SMYD3: variants seen among roughly 807,000 people sequenced by gnomAD.
SMYD3 encodes SET and MYND domain containing 3, also known as histone-lysine N-methyltransferase SMYD3.
SMYD3 carries 36 observed loss-of-function variants against 57.7 expected under a neutral mutation model. The observed-to-expected ratio is 0.62, with a 90% CI of 0.48 to 0.82. The LOEUF (loss-of-function observed/expected upper bound fraction) is 0.82. SMYD3 is among the 40% of genes least tolerant of loss of function. SMYD3 has a pLI of 0.00. For missense variants in SMYD3, 515 were observed against 538.8 expected (o/e 0.96, Z 0.44); for synonymous variants, 211 against 195.0 (o/e 1.08, Z -0.68).
intron 10 of SMYD3, among the ~76,000 whole-genome samples, chr1:245,798,422 ACCCCC>A (rs2047674721): frequency 4.7e-5 from 1 of 21,480 alleles, no homozygotes; most frequent in Non-Finnish European, 1.7e-4. Flanking sequence ...ACACATACAC[ACCCCC>A]ACACACATAC....
intron 5 of SMYD3, among the ~76,000 whole-genome samples, chr1:246,218,620 C>CAAAAA (rs551976972): frequency 7.9e-6 from 1 of 127,386 alleles, no homozygotes; most frequent in South Asian, 2.4e-4. Flanking sequence ...GACTCCGTCT[C>CAAAAA]AAAAAAAAAA....
At chr1:246,086,418 A>G (rs755901808) in intron 5 of SMYD3, among the ~76,000 whole-genome samples, 3 of 151,942 alleles carry the variant, frequency 2.0e-5, no homozygotes, top group Non-Finnish European at 4.4e-5. Context: ...TTATTACAAC[A>G]CACTGCCTGG....
chr1:245,750,067 G>A (rs1289324537), intron 11 of SMYD3, among the ~76,000 whole-genome samples: 1 of 151,968 alleles, frequency 6.6e-6, no homozygotes, highest in Non-Finnish European at 1.5e-5. Flanking sequence ...TATGCACCAG[G>A]ATTATTATAT....
chr1:246,076,367 C>G (rs943766501), intron 5 of SMYD3, among the ~76,000 whole-genome samples: 2 of 152,140 alleles, frequency 1.3e-5, no homozygotes, highest in African/African-American at 4.8e-5. Context: ...ACACATTCAC[C>G]CACATCCAAA....
intron 5 of SMYD3, among the ~76,000 whole-genome samples, chr1:246,258,161 C>T (rs1249163733): frequency 7.2e-5 from 11 of 152,216 alleles, no homozygotes; most frequent in South Asian, 4.1e-4. Context: ...CTCAGCCTCC[C>T]GAGTAGCTGG....
chr1:246,258,324 C>T (rs1280224214), intron 5 of SMYD3, among the ~76,000 whole-genome samples: 3 of 152,138 alleles, frequency 2.0e-5, no homozygotes, highest in Admixed American at 6.5e-5. Flanking sequence ...AGTGAGCCAC[C>T]ATGCCTGGCC....
At chr1:245,963,104 T>C (rs551936746) in intron 5 of SMYD3, among the ~76,000 whole-genome samples, 115 of 152,280 alleles carry the variant, frequency 7.6e-4, no homozygotes, top group African/African-American at 2.5e-3. Flanking sequence ...GAAGTCACCA[T>C]TCCATCCTAA....
At chr1:246,223,364 C>T (rs1332875848) in intron 5 of SMYD3, among the ~76,000 whole-genome samples, 2 of 152,042 alleles carry the variant, frequency 1.3e-5, no homozygotes, top group African/African-American at 2.4e-5. Flanking sequence ...TAATCAAGAG[C>T]GATGCCTTGA....
chr1:246,051,015 C>A (rs1353051790), intron 5 of SMYD3, among the ~76,000 whole-genome samples: 1 of 151,834 alleles, frequency 6.6e-6, no homozygotes, highest in Non-Finnish European at 1.5e-5. Context: ...GCTACAGACA[C>A]AACTTGATTC....
At chr1:245,930,361 A>G (rs1288914735) in intron 5 of SMYD3, 5 of 346,344 alleles carry the variant, frequency 1.4e-5, no homozygotes, top group Non-Finnish European at 2.2e-5. Flanking sequence ...GTATCTGTTC[A>G]GTGATAGCAA....
At chr1:245,771,611 T>C (rs2046340811) in intron 10 of SMYD3, among the ~76,000 whole-genome samples, 1 of 152,176 alleles carries the variant, frequency 6.6e-6, no homozygotes, top group Non-Finnish European at 1.5e-5. Context: ...CAGCCCACAG[T>C]GAACATTAAA....
intron 5 of SMYD3, among the ~76,000 whole-genome samples, chr1:246,233,074 A>G (rs2063443796): frequency 7.5e-6 from 1 of 132,658 alleles, no homozygotes; most frequent in Non-Finnish European, 1.6e-5. Flanking sequence ...ACTGTGATGA[A>G]CATATACCAC....
At chr1:246,057,167 C>T (rs1339672922) in intron 5 of SMYD3, among the ~76,000 whole-genome samples, 1 of 152,116 alleles carries the variant, frequency 6.6e-6, no homozygotes, top group African/African-American at 2.4e-5. Flanking sequence ...CCTCAAAGGG[C>T]TTTTGTGATG....
At chr1:245,816,649 A>C (rs1179271269) in intron 10 of SMYD3, among the ~76,000 whole-genome samples, 1 of 151,802 alleles carries the variant, frequency 6.6e-6, no homozygotes, top group African/African-American at 2.4e-5. Context: ...GGTTCATCTC[A>C]CTAGGGAGTG....
intron 5 of SMYD3, among the ~76,000 whole-genome samples, chr1:246,253,644 G>A (rs1476164606): frequency 6.6e-6 from 1 of 152,110 alleles, no homozygotes; most frequent in Non-Finnish European, 1.5e-5. Context: ...TTTCAGCAGT[G>A]TTTTCTAGTT....
chr1:245,983,249 A>T (rs2058638146), intron 5 of SMYD3, among the ~76,000 whole-genome samples: 1 of 151,504 alleles, frequency 6.6e-6, no homozygotes, highest in African/African-American at 2.4e-5. Context: ...CCATATTAGA[A>T]TTAATATAAA....
At chr1:246,469,096 A>G (rs923033734) in intron 1 of SMYD3, among the ~76,000 whole-genome samples, 5 of 152,208 alleles carry the variant, frequency 3.3e-5, no homozygotes, top group Admixed American at 2.0e-4. Context: ...GATCCCCAGC[A>G]TGACAAGCAC....
chr1:246,082,273 A>G (rs535941785), intron 5 of SMYD3, among the ~76,000 whole-genome samples: 1 of 152,342 alleles, frequency 6.6e-6, no homozygotes, highest in African/African-American at 2.4e-5. Context: ...CTCAGGAGTC[A>G]TGTGGCCAGA....
At chr1:246,079,122 C>T (rs1047808684) in intron 5 of SMYD3, among the ~76,000 whole-genome samples, 3 of 152,014 alleles carry the variant, frequency 2.0e-5, no homozygotes, top group East Asian at 3.9e-4. Context: ...GGCCAATAGG[C>T]TTCTTTTGTC....
Sources: gnomAD v4.1 joint callset for allele counts (sites outside exome capture counted in the v4.1 genomes callset) on GRCh38, gnomAD v4.1.1 for gene constraint, MANE v1.5 for transcripts, NCBI Gene and HGNC (gene_info 2026-07-23, HGNC 2026-07-21) for gene names.